CHLSN: variants seen among roughly 807,000 people sequenced by gnomAD.
The protein encoded by CHLSN is protein cholesin.
At chr7:1,065,552 A>G in the CHLSN span, among the ~76,000 whole-genome samples, 1 of 152,208 alleles carries the variant, frequency 6.6e-6, no homozygotes, top group Non-Finnish European at 1.5e-5. Flanking sequence ...GCGGGGACAC[A>G]GCTAGATGTG....
the CHLSN span, among the ~76,000 whole-genome samples, chr7:1,079,039 G>A: frequency 6.6e-6 from 1 of 150,826 alleles, no homozygotes; most frequent in East Asian, 1.9e-4. Flanking sequence ...AGGCAGCGAG[G>A]CAGCGGGTCA....
the CHLSN span, among the ~76,000 whole-genome samples, chr7:1,010,303 G>A: frequency 1.3e-5 from 2 of 152,230 alleles, no homozygotes; most frequent in South Asian, 2.1e-4. Context: ...TGCTAAGCCT[G>A]TGCTACGACG....
At chr7:1,021,661 T>C in the CHLSN span, 1 of 818,120 alleles carries the variant, frequency 1.2e-6, no homozygotes, top group Non-Finnish European at 1.5e-6. Context: ...CAGTGCCCTC[T>C]GGGAACCCCG....
the CHLSN span, among the ~76,000 whole-genome samples, chr7:1,021,843 C>T: frequency 4.6e-5 from 7 of 152,360 alleles, no homozygotes; most frequent in South Asian, 6.2e-4. Flanking sequence ...CACTGGGATG[C>T]GCGCCCTTCC....
chr7:1,001,989 G>A, the CHLSN span, among the ~76,000 whole-genome samples: 2 of 103,294 alleles, frequency 1.9e-5, no homozygotes, highest in African/African-American at 3.9e-5. Context: ...TCCTGTGGGT[G>A]GGGAGTCCTG....
the CHLSN span, among the ~76,000 whole-genome samples, chr7:1,078,513 G>A: frequency 6.6e-6 from 1 of 152,192 alleles, no homozygotes; most frequent in African/African-American, 2.4e-5. Flanking sequence ...CTGCGCTCAG[G>A]TGGGAGTCCT....
the CHLSN span, among the ~76,000 whole-genome samples, chr7:1,097,777 G>A: frequency 2.0e-5 from 3 of 152,174 alleles, no homozygotes; most frequent in Admixed American, 6.6e-5. The surrounding 1 kb of genome is among the most constrained non-coding windows in gnomAD (Gnocchi z 4.3). Flanking sequence ...AAGGAGGCCG[G>A]TCCAGATGCT....
At chr7:1,101,347 G>A in the CHLSN span, among the ~76,000 whole-genome samples, 2 of 152,256 alleles carry the variant, frequency 1.3e-5, no homozygotes, top group Non-Finnish European at 2.9e-5. Flanking sequence ...GACTCCACCT[G>A]AAACCTACTG....
At chr7:1,137,631 C>G in the CHLSN span, 1 of 152,046 alleles carries the variant, frequency 6.6e-6, no homozygotes, top group Admixed American at 6.6e-5. Context: ...TGGTGAGACC[C>G]CATTTCTACA....
the CHLSN span, among the ~76,000 whole-genome samples, chr7:1,095,842 A>G: frequency 4.6e-5 from 7 of 152,266 alleles, no homozygotes; most frequent in Non-Finnish European, 8.8e-5. Context: ...AAAGCACGCC[A>G]TGCAGAAATC....
At chr7:1,013,171 G>A in the CHLSN span, among the ~76,000 whole-genome samples, 7 of 152,228 alleles carry the variant, frequency 4.6e-5, no homozygotes, top group African/African-American at 1.7e-4. Context: ...AAGGTAGGAC[G>A]GCTGTCACCC....
chr7:1,071,793 C>T, the CHLSN span, among the ~76,000 whole-genome samples: 5 of 152,316 alleles, frequency 3.3e-5, no homozygotes, highest in Non-Finnish European at 5.9e-5. Flanking sequence ...GGCATGCCTG[C>T]GGGCGACACC....
chr7:1,056,980 C>T, the CHLSN span, among the ~76,000 whole-genome samples: 4 of 152,104 alleles, frequency 2.6e-5, no homozygotes, highest in South Asian at 2.1e-4. Flanking sequence ...CTGTGGGCTG[C>T]GACCCACAGG....
At chr7:1,118,774 C>T in the CHLSN span, among the ~76,000 whole-genome samples, 3 of 100,976 alleles carry the variant, frequency 3.0e-5, no homozygotes, top group East Asian at 3.2e-4. Flanking sequence ...CCACCCTGGG[C>T]AAGATAGTGA....
chr7:1,064,766 G>A, the CHLSN span, among the ~76,000 whole-genome samples: 10,257 of 152,192 alleles, frequency 0.067, 395 homozygotes, highest in Admixed American at 0.11. Flanking sequence ...CCATGGACAC[G>A]AGGGAGACTG....
At chr7:1,017,861 C>T in the CHLSN span, among the ~76,000 whole-genome samples, 13 of 152,240 alleles carry the variant, frequency 8.5e-5, no homozygotes, top group Non-Finnish European at 1.6e-4. Flanking sequence ...CTCAAAACCA[C>T]ACCCGCCTTG....
chr7:1,050,254 T>C, the CHLSN span, among the ~76,000 whole-genome samples: 1 of 145,804 alleles, frequency 6.9e-6, no homozygotes, highest in Non-Finnish European at 1.6e-5. Flanking sequence ...TCACAGGTGG[T>C]CTGTCAGGGG....
chr7:1,077,183 T>C, the CHLSN span, among the ~76,000 whole-genome samples: 1 of 151,778 alleles, frequency 6.6e-6, no homozygotes, highest in Non-Finnish European at 1.5e-5. Context: ...TGAGATGGAG[T>C]CTCTCTCTGT....
At chr7:1,052,486 C>CA in the CHLSN span, among the ~76,000 whole-genome samples, 2 of 152,052 alleles carry the variant, frequency 1.3e-5, no homozygotes, top group Non-Finnish European at 2.9e-5. The surrounding 1 kb of genome is among the most constrained non-coding windows in gnomAD (Gnocchi z 4.2). Context: ...GTGAAACCAG[C>CA]AGTGTGACTT....
Sources: gnomAD v4.1 joint callset for allele counts (sites outside exome capture counted in the v4.1 genomes callset) on GRCh38, gnomAD v4.1.1 for gene constraint, Gnocchi (gnomAD v3.1) non-coding constraint, MANE v1.5 for transcripts, NCBI Gene and HGNC (gene_info 2026-07-23, HGNC 2026-07-21) for gene names.